The following SSUH2 variants were observed in gnomAD, a reference collection of about 807,000 sequenced individuals.
The protein encoded by SSUH2 is protein SSUH2 homolog.
Under a neutral mutation model 55.3 loss-of-function variants are expected in SSUH2, and 47 were observed. That is an observed-to-expected ratio of 0.85 (90% CI 0.67 to 1.08). SSUH2 has a LOEUF of 1.08. SSUH2 is among the 50% of genes least tolerant of loss of function. The probability of loss-of-function intolerance (pLI) is 0.00; values close to 1 mark genes in which losing one functional copy is unlikely to be tolerated. For synonymous variants in SSUH2, 212 were observed against 191.5 expected (o/e 1.11, Z -0.89); for missense variants, 535 against 490.7 (o/e 1.09, Z -0.85).
At chr3:8,675,679 G>T (rs554238551) in intron 3 of SSUH2, among the ~76,000 whole-genome samples, 1 of 152,174 alleles carries the variant, frequency 6.6e-6, no homozygotes, top group South Asian at 2.1e-4. Context: ...GTGGGGTTTT[G>T]TAGACTGTGG....
chr3:8,640,392 C>A (rs182020329), intron 1 of SSUH2, among the ~76,000 whole-genome samples: 4 of 152,288 alleles, frequency 2.6e-5, no homozygotes, highest in Admixed American at 2.6e-4. Flanking sequence ...GATCATATCA[C>A]CCCCTCACCT....
chr3:8,635,974 G>A, intron 1 of SSUH2, 117 bp from the exon 2 acceptor site: 2 of 813,504 alleles, frequency 2.5e-6, no homozygotes, highest in Non-Finnish European at 3.8e-6. Context: ...GTTTAAGCCA[G>A]CCTCACTCTG....
At chr3:8,681,565 C>G (rs1353963465) in intron 1 of SSUH2, among the ~76,000 whole-genome samples, 2 of 148,280 alleles carry the variant, frequency 1.3e-5, no homozygotes, top group African/African-American at 5.0e-5. Context: ...GCGGGAGGCA[C>G]CCCCAACGAA....
At chr3:8,633,261 A>G (rs1263177636) in intron 4 of SSUH2, among the ~76,000 whole-genome samples, 1 of 150,258 alleles carries the variant, frequency 6.7e-6, no homozygotes, top group African/African-American at 2.5e-5. Context: ...GTCCTGCCTC[A>G]GCCTCCCGAG....
At chr3:8,624,972 C>A (rs564912971) in intron 10 of SSUH2, among the ~76,000 whole-genome samples, 10 of 152,272 alleles carry the variant, frequency 6.6e-5, no homozygotes, top group African/African-American at 2.4e-4. Flanking sequence ...GTCACTTCCA[C>A]AAAGAGGCTT....
rs1411837285 is a variant in SSUH2, at chr3:8,681,555, G to A, written c.-1046+336C>T. 2.0e-5 allele frequency among the ~76,000 whole-genome samples: 3 copies of A among 148,872 alleles called. No individual in the cohort carries two copies. In the East Asian group the frequency reaches 6.0e-4, roughly 30 times the overall value. On this transcript the variant is annotated intron_variant, in intron 1 of 18. Transcript: ENST00000317371. ...CTGGCTCTTCGGACCCCCATGGGGG[G>A]CGGGAGGCACCCCCAACGAAGCGGG...
At chr3:8,678,342 A>G (rs565874971) in intron 2 of SSUH2, among the ~76,000 whole-genome samples, 21 of 152,158 alleles carry the variant, frequency 1.4e-4, no homozygotes, top group Non-Finnish European at 2.1e-4. Flanking sequence ...ATGGGGAGTC[A>G]TATCTGTCTA....
At chr3:8,660,519 A>G (rs1325463944) in intron 6 of SSUH2, among the ~76,000 whole-genome samples, 1 of 152,238 alleles carries the variant, frequency 6.6e-6, no homozygotes, top group East Asian at 1.9e-4. Flanking sequence ...AGCCAAGGCC[A>G]AAAGAATGGG....
At chr3:8,632,674 T>C (rs11710750) in intron 4 of SSUH2, among the ~76,000 whole-genome samples, 90,114 of 152,058 alleles carry the variant, frequency 0.59, 27,681 homozygotes, top group East Asian at 0.88. Context: ...CAAGTGATTA[T>C]GTGCTCCTCA....
chr3:8,640,850 C>T (rs947835700), intron 1 of SSUH2, among the ~76,000 whole-genome samples: 1 of 152,198 alleles, frequency 6.6e-6, no homozygotes, highest in Non-Finnish European at 1.5e-5. Context: ...AGCAAGAATG[C>T]AGCAAATATT....
rs777546727 is a variant in SSUH2 at position 8,633,657 on chromosome 3, G to A, written c.339+9C>T. On this transcript the variant is annotated intron_variant, in intron 4 of 11. Coordinates refer to ENST00000544814, the MANE Select transcript of SSUH2 (RefSeq NM_001256748.3). ...CGGCCAAGGCCCCCCACCGGCCCTG[G>A]CCTCTCACCCTGCAGAGGGTCTGCC... 8.0e-6 allele frequency: 12 copies of A among 1,509,308 alleles called. No individual in the cohort carries two copies. Among genetic ancestry groups the A allele is most frequent in the South Asian group, 1.4e-5 (1 of 73,972 alleles). 93.5% of individuals were successfully genotyped at this position (1,509,308 alleles called of 1,614,324 possible).
chr3:8,672,808 A>G (rs968145192), intron 3 of SSUH2, among the ~76,000 whole-genome samples: 1 of 152,170 alleles, frequency 6.6e-6, no homozygotes, highest in Non-Finnish European at 1.5e-5. Context: ...GAGGAGGAAT[A>G]TCACCAGGTG....
At chr3:8,663,122 G>C (rs1484290849) in intron 6 of SSUH2, among the ~76,000 whole-genome samples, 1 of 152,168 alleles carries the variant, frequency 6.6e-6, no homozygotes, top group Non-Finnish European at 1.5e-5. Context: ...TTGCATGCCT[G>C]CTCCCATTTG....
At chr3:8,625,516 T>C (rs1181881403) in intron 10 of SSUH2, 26 bp downstream of exon 10, 2 of 1,455,014 alleles carry the variant, frequency 1.4e-6, no homozygotes, top group Non-Finnish European at 9.6e-7. Context: ...CAGCTTCCTT[T>C]GTTCCCATCT....
chr3:8,655,461 G>C (rs1482843284), intron 7 of SSUH2, among the ~76,000 whole-genome samples: 2 of 122,676 alleles, frequency 1.6e-5, no homozygotes, highest in Admixed American at 1.7e-4. Flanking sequence ...TCTTCCCCCG[G>C]GTCTCAGTGT....
intron 3 of SSUH2, among the ~76,000 whole-genome samples, chr3:8,634,932 G>T (rs1286355173): frequency 6.6e-6 from 1 of 152,182 alleles, no homozygotes; most frequent in Non-Finnish European, 1.5e-5. Flanking sequence ...AGCCCACATA[G>T]TCTCTGTCTC....
At chr3:8,644,421 A>G (rs1310701558) in intron 1 of SSUH2, among the ~76,000 whole-genome samples, 2 of 152,334 alleles carry the variant, frequency 1.3e-5, no homozygotes, top group African/African-American at 2.4e-5. Context: ...AAAAGTTCTC[A>G]ATTTCATCTT....
chr3:8,641,853 G>A (rs1034679086), intron 1 of SSUH2, among the ~76,000 whole-genome samples: 8 of 152,346 alleles, frequency 5.3e-5, no homozygotes, highest in South Asian at 2.1e-4. Context: ...ATCCCTAGTC[G>A]TGGAGGGCAG....
At chr3:8,660,060 A>G (rs1362098341) in intron 6 of SSUH2, among the ~76,000 whole-genome samples, 1 of 152,208 alleles carries the variant, frequency 6.6e-6, no homozygotes, top group African/African-American at 2.4e-5. Flanking sequence ...GGGTCCCAAC[A>G]GGGAAGCTAG....
Sources: allele counts gnomAD v4.1 joint callset (sites outside exome capture counted in the v4.1 genomes callset), GRCh38; gene constraint gnomAD v4.1.1; transcripts MANE v1.5; gene names NCBI Gene and HGNC (gene_info 2026-07-23, HGNC 2026-07-21).